Variants in BMPER observed in about 807,000 individuals in gnomAD.
The protein encoded by BMPER is BMP binding endothelial regulator.
BMPER carries 45 observed loss-of-function variants against 87.3 expected under a neutral mutation model. That is an observed-to-expected ratio of 0.52 (90% confidence interval 0.41 to 0.66). The LOEUF (loss-of-function observed/expected upper bound fraction) is 0.66. Ranked by LOEUF, BMPER falls within the 30% of genes least tolerant of loss-of-function variation. The probability of loss-of-function intolerance (pLI) is 0.00; values close to 1 mark genes in which losing one functional copy is unlikely to be tolerated. For synonymous variants in BMPER, 326 were observed against 316.2 expected (o/e 1.03, Z -0.33); for missense variants, 784 against 867.5 (o/e 0.90, Z 1.21).
intron 13 of BMPER, among the ~76,000 whole-genome samples, chr7:34,108,583 T>C (rs1282298561): frequency 1.3e-5 from 2 of 152,238 alleles, no homozygotes; most frequent in African/African-American, 4.8e-5. Context: ...TGTTCCATGT[T>C]CTTACAAGTC....
intron 12 of BMPER, among the ~76,000 whole-genome samples, chr7:34,084,699 A>T (rs371006153): frequency 6.6e-6 from 1 of 152,238 alleles, no homozygotes; most frequent in African/African-American, 2.4e-5. Context: ...GTCAGAGTGG[A>T]TATGACAGCA....
chr7:33,992,660 A>G (rs1173004477), intron 6 of BMPER, among the ~76,000 whole-genome samples: 1 of 148,430 alleles, frequency 6.7e-6, no homozygotes, highest in Non-Finnish European at 1.5e-5. Flanking sequence ...TCCTGTCATT[A>G]TGACGTTAGC....
At chr7:34,038,168 C>T (rs1290351769) in intron 6 of BMPER, among the ~76,000 whole-genome samples, 4 of 152,110 alleles carry the variant, frequency 2.6e-5, no homozygotes, top group Non-Finnish European at 5.9e-5. Context: ...AAGGACCTTG[C>T]GATGGAGAGG....
At chr7:33,979,367 C>G (rs188454052) in intron 6 of BMPER, among the ~76,000 whole-genome samples, 2 of 151,574 alleles carry the variant, frequency 1.3e-5, no homozygotes, top group African/African-American at 4.8e-5. Context: ...CCCTGAGAAC[C>G]TGATTCCCCC....
At chr7:33,927,211 C>A (rs572364881) in intron 2 of BMPER, among the ~76,000 whole-genome samples, 1 of 152,208 alleles carries the variant, frequency 6.6e-6, no homozygotes, top group Admixed American at 6.5e-5. Context: ...CCCAACAGCA[C>A]GTGGGCTTTC....
intron 3 of BMPER, among the ~76,000 whole-genome samples, chr7:33,941,752 G>A (rs965765754): frequency 2.6e-5 from 4 of 152,132 alleles, no homozygotes; most frequent in Non-Finnish European, 4.4e-5. Context: ...ATGAAGCTTC[G>A]CTCATTTGCC....
chr7:34,125,546 A>G (rs1790379370), intron 13 of BMPER, among the ~76,000 whole-genome samples: 1 of 152,208 alleles, frequency 6.6e-6, no homozygotes, highest in South Asian at 2.1e-4. Context: ...ACTAGTTCTC[A>G]GCTTCATGCT....
chr7:34,109,976 A>G (rs926122962), intron 13 of BMPER, among the ~76,000 whole-genome samples: 7 of 152,190 alleles, frequency 4.6e-5, no homozygotes, highest in African/African-American at 1.7e-4. Context: ...TCTTGCTGAC[A>G]GTCACTATAC....
chr7:33,955,942 G>A (rs1280641098), intron 3 of BMPER, among the ~76,000 whole-genome samples: 3 of 152,074 alleles, frequency 2.0e-5, no homozygotes, highest in Non-Finnish European at 4.4e-5. Flanking sequence ...TTAACAAAAT[G>A]CCAAAACAAT....
At chr7:33,958,817 G>T (rs1467731840) in intron 3 of BMPER, among the ~76,000 whole-genome samples, 2 of 152,128 alleles carry the variant, frequency 1.3e-5, no homozygotes, top group Admixed American at 1.3e-4. Context: ...GTGTTCTATA[G>T]TGCTAATATG....
chr7:34,121,764 T>C (rs890927908), intron 13 of BMPER, among the ~76,000 whole-genome samples: 10 of 152,250 alleles, frequency 6.6e-5, no homozygotes, highest in Non-Finnish European at 1.5e-4. Context: ...ATAATGTTTC[T>C]TTAGTATCTC....
chr7:33,905,826 G>A, intron 1 of BMPER, 80 bp downstream of exon 1: 2 of 1,227,724 alleles, frequency 1.6e-6, no homozygotes, highest in East Asian at 5.7e-5. Flanking sequence ...CTTGCCCCGG[G>A]GATGGGAGGG....
chr7:34,126,812 G>A (rs544041286), intron 13 of BMPER, among the ~76,000 whole-genome samples: 95 of 152,188 alleles, frequency 6.2e-4, no homozygotes, highest in Admixed American at 1.6e-3. Flanking sequence ...TAGACATAAT[G>A]CTAGATTTTT....
intron 6 of BMPER, among the ~76,000 whole-genome samples, chr7:34,023,754 A>G (rs950586756): frequency 6.6e-6 from 1 of 152,218 alleles, no homozygotes; most frequent in Non-Finnish European, 1.5e-5. Context: ...GCTATCATAC[A>G]AAACATTTGA....
chr7:34,049,407 T>C (rs547658448), intron 7 of BMPER, among the ~76,000 whole-genome samples: 2 of 152,126 alleles, frequency 1.3e-5, no homozygotes, highest in African/African-American at 4.8e-5. Context: ...CATTGAAGAG[T>C]CTGTTTGTCA....
rs561797482 is a variant in BMPER at position 33,958,489 on chromosome 7, A to G, written c.320-7990A>G. Among the ~76,000 whole-genome samples, 13 of 152,316 alleles carry G rather than the reference A, an allele frequency of 8.5e-5. No homozygotes were observed. The South Asian group carries it at 1.0e-3, about 12-fold the overall frequency. ...TTACCACTCCAGCCACAAAATCTGC[A>G]TGTAACCTTAAATACTGGCTTTGTA... On this transcript the variant is annotated intron_variant, in intron 3 of 14. Transcript: ENST00000649409.
chr7:34,116,321 G>A (rs1003247162), intron 13 of BMPER, among the ~76,000 whole-genome samples: 3 of 152,282 alleles, frequency 2.0e-5, no homozygotes, highest in Admixed American at 6.5e-5. Context: ...AGTATAGGTA[G>A]GAGAGAAAAG....
At chr7:33,979,570 C>T (rs1785790620) in intron 6 of BMPER, among the ~76,000 whole-genome samples, 1 of 152,096 alleles carries the variant, frequency 6.6e-6, no homozygotes, top group African/African-American at 2.4e-5. Flanking sequence ...AGTAATGTTT[C>T]CTCTTCCATC....
intron 8 of BMPER, among the ~76,000 whole-genome samples, chr7:34,053,509 A>G (rs1472257144): frequency 6.6e-6 from 1 of 152,186 alleles, no homozygotes; most frequent in Non-Finnish European, 1.5e-5. Flanking sequence ...CTAATAGCCT[A>G]CTGTTGACTG....
Sources: gnomAD v4.1 joint callset for allele counts (sites outside exome capture counted in the v4.1 genomes callset) on GRCh38, gnomAD v4.1.1 for gene constraint, MANE v1.5 for transcripts, NCBI Gene and HGNC (gene_info 2026-07-23, HGNC 2026-07-21) for gene names.